The following MRPS28 variants were observed in gnomAD, a reference collection of about 807,000 sequenced individuals.
MRPS28 encodes small ribosomal subunit protein bS1m.
In MRPS28, 7 loss-of-function variants were observed where a neutral mutation model predicts 10.8. That is an observed-to-expected ratio of 0.65 (90% CI 0.37 to 1.22). The LOEUF (loss-of-function observed/expected upper bound fraction) is 1.22, where lower values mean the gene tolerates loss of function less well. Ranked by LOEUF, MRPS28 falls within the 50% of genes most tolerant of loss-of-function variation. The pLI, the probability that MRPS28 is intolerant of heterozygous loss-of-function variation, is 0.02. For missense variants in MRPS28, 265 were observed against 232.9 expected (o/e 1.14, Z -0.90); for synonymous variants, 121 against 93.3 (o/e 1.30, Z -1.71).
intron 2 of MRPS28, among the ~76,000 whole-genome samples, chr8:79,931,747 G>A (rs143260425): frequency 0.015 from 2,353 of 152,318 alleles, 38 homozygotes; most frequent in Non-Finnish European, 0.025. Context: ...TGGCTGTTAA[G>A]GTTTACTGGA....
intron 1 of MRPS28, among the ~76,000 whole-genome samples, chr8:80,021,687 G>C (rs1409032003): frequency 6.6e-6 from 1 of 152,032 alleles, no homozygotes; most frequent in Non-Finnish European, 1.5e-5. Context: ...TACCTTACAG[G>C]AAATAATGTG....
chr8:80,008,278 T>C (rs1364026798), intron 1 of MRPS28, among the ~76,000 whole-genome samples: 2 of 152,190 alleles, frequency 1.3e-5, no homozygotes, highest in Non-Finnish European at 2.9e-5. Flanking sequence ...TAATTCAAGA[T>C]GGATTAAAGA....
chr8:79,996,352 C>T (rs1181605810), intron 2 of MRPS28, among the ~76,000 whole-genome samples: 1 of 152,190 alleles, frequency 6.6e-6, no homozygotes, highest in Non-Finnish European at 1.5e-5. Flanking sequence ...TTGGGGGTTA[C>T]ACTATTCCAA....
chr8:80,021,497 G>T (rs142453186), intron 1 of MRPS28, among the ~76,000 whole-genome samples: 43 of 152,338 alleles, frequency 2.8e-4, no homozygotes, highest in African/African-American at 9.1e-4. Context: ...GAGCAGAGCT[G>T]TAAGCCAGAT....
intron 1 of MRPS28, among the ~76,000 whole-genome samples, chr8:80,015,786 C>T (rs1023978576): frequency 1.3e-5 from 2 of 151,872 alleles, no homozygotes; most frequent in Non-Finnish European, 2.9e-5. Flanking sequence ...AGGGCTCTAA[C>T]GGAAGAAATA....
In MRPS28 at chr8:79,965,295, A is replaced by C. The variant is rs527450128; in HGVS notation, c.395+37704T>G. ...GTAACTCACTTAAGATGACACTGTT[A>C]AATAAGCAAACCCAGGCAATTTGAC... is the stretch of plus-strand genomic sequence containing the variant. On this transcript the variant is annotated intron_variant, in intron 2 of 2. Transcript: ENST00000276585. Among the ~76,000 whole-genome samples the C allele has an allele frequency of 8.5e-5, 13 of 152,274 alleles. No individual in the cohort carries two copies. In the South Asian group the frequency reaches 2.7e-3, roughly 32 times the overall value.
intron 1 of MRPS28, among the ~76,000 whole-genome samples, chr8:80,023,326 T>C (rs919738632): frequency 5.3e-5 from 8 of 152,190 alleles, no homozygotes; most frequent in Non-Finnish European, 7.4e-5. Context: ...AGTAAAACTA[T>C]ATAATTTTAC....
intron 1 of MRPS28, among the ~76,000 whole-genome samples, chr8:80,024,208 AAC>A (rs755673939): frequency 9.2e-5 from 14 of 151,900 alleles, no homozygotes; most frequent in Non-Finnish European, 1.5e-4. Context: ...CAGCCTCAGC[AAC>A]AGAGCAAGAC....
chr8:80,025,586 A>G (rs1446695179), intron 1 of MRPS28, among the ~76,000 whole-genome samples: 2 of 152,212 alleles, frequency 1.3e-5, no homozygotes, highest in Admixed American at 6.5e-5. Flanking sequence ...ATGGAATACC[A>G]AGCAAATATT....
intron 1 of MRPS28, among the ~76,000 whole-genome samples, chr8:80,023,521 C>T (rs1249709788): frequency 6.6e-6 from 1 of 151,652 alleles, no homozygotes; most frequent in Non-Finnish European, 1.5e-5. Context: ...ATAAAAAATA[C>T]TAATAAAAAT....
chr8:79,919,136 T>C lies in MRPS28; in HGVS notation c.408A>G (p.Lys136=). ...RPEVDGEKYQ[K]GTRVRLRLLD... ...ATAGCCGCAACCGGACCCTGGTTCC[T>C]TTCTGGTATTTCCTAAATAGTTAAA... Residue 136 remains lysine, a synonymous_variant, in exon 3 of 3, where the codon AAA becomes AAG. Coordinates refer to ENST00000276585, the MANE Select transcript of MRPS28 (RefSeq NM_014018.3). 2 of 1,582,298 alleles carry C rather than the reference T, an allele frequency of 1.3e-6. No individual in the cohort carries two copies. Among genetic ancestry groups the C allele is most frequent in the Non-Finnish European group, 1.7e-6 (2 of 1,170,502 alleles).
At chr8:80,007,527 C>A (rs1005830634) in intron 1 of MRPS28, among the ~76,000 whole-genome samples, 5 of 152,192 alleles carry the variant, frequency 3.3e-5, no homozygotes, top group African/African-American at 1.2e-4. Flanking sequence ...AAAACCCCAT[C>A]ATCTCAGCCC....
At position 79,918,884 on chromosome 8, in the gene MRPS28, T is replaced by C. The variant is rs1012641324; in HGVS notation, c.*96A>G. On this transcript the variant is annotated 3_prime_UTR_variant, in exon 3 of 3. Coordinates refer to ENST00000276585, the MANE Select transcript of MRPS28 (RefSeq NM_014018.3). ...CTATAATTATAGCTTTTATTTATTATATCTTCATTCAATCATTTATTCACA... is the reference window on the plus strand; with the variant it reads ...CTATAATTATAGCTTTTATTTATTACATCTTCATTCAATCATTTATTCACA... 9.7e-7 allele frequency: 1 copy of C among 1,027,266 alleles called. No individual in the cohort carries two copies. The highest frequency in any genetic ancestry group is 2.8e-5 in the Admixed American group (1 of 35,634). The allele number at this position is 1,027,266 out of a possible 1,614,324, so 63.6% of individuals were successfully genotyped here. A position where few individuals can be genotyped will look rare whatever the true frequency, so the allele number is the denominator to read the frequency against.
At chr8:79,975,240 T>C (rs1444929700) in intron 2 of MRPS28, among the ~76,000 whole-genome samples, 1 of 152,148 alleles carries the variant, frequency 6.6e-6, no homozygotes, top group Non-Finnish European at 1.5e-5. Flanking sequence ...GAGGCTGCAG[T>C]GAGCTGTGGT....
intron 1 of MRPS28, among the ~76,000 whole-genome samples, chr8:80,018,428 A>C (rs1472090027): frequency 6.6e-6 from 1 of 152,194 alleles, no homozygotes; most frequent in Non-Finnish European, 1.5e-5. Flanking sequence ...TCAAACCTAC[A>C]ATGAGATATC....
chr8:79,991,113 A>G (rs1345905987), intron 2 of MRPS28, among the ~76,000 whole-genome samples: 1 of 152,170 alleles, frequency 6.6e-6, no homozygotes, highest in Non-Finnish European at 1.5e-5. Flanking sequence ...ATTAAGAGGA[A>G]AGCTGATTGA....
At chr8:80,028,662 G>GGGGGCGGGGC (rs1809558299) in intron 1 of MRPS28, 3 of 47,956 alleles carry the variant, frequency 6.3e-5, no homozygotes, top group Admixed American at 2.0e-4. Context: ...GGGGGGCGGG[G>GGGGGCGGGGC]CCGGGCGGGG....
At chr8:79,936,069 A>T (rs1285424448) in intron 2 of MRPS28, among the ~76,000 whole-genome samples, 1 of 151,922 alleles carries the variant, frequency 6.6e-6, no homozygotes, top group African/African-American at 2.4e-5. Flanking sequence ...TAGAGGGGCC[A>T]GGTGTGGTGG....
rs144312033 is a variant in MRPS28 at position 80,014,606 on chromosome 8, T to C, written c.214-11426A>G. 6.4e-3 allele frequency among the ~76,000 whole-genome samples: 968 copies of C among 152,340 alleles called. 9 individuals are homozygous for C. The highest frequency in any genetic ancestry group is 0.022 in the African/African-American group (904 of 41,578). The stretch of plus-strand genomic sequence containing the variant: ...GCTGCTGTTTACTCATCTTATAAAA[T>C]GGTGTTTGTAATTATATCTATCTAT... On this transcript the variant is annotated intron_variant, in intron 1 of 2. Coordinates refer to ENST00000276585, the MANE Select transcript of MRPS28 (RefSeq NM_014018.3).
Sources: allele counts gnomAD v4.1 joint callset (sites outside exome capture counted in the v4.1 genomes callset), GRCh38; gene constraint gnomAD v4.1.1; transcripts MANE v1.5; gene names NCBI Gene and HGNC (gene_info 2026-07-23, HGNC 2026-07-21).